CDKL5: variants seen among roughly 807,000 people sequenced by gnomAD.
CDKL5 encodes cyclin dependent kinase like 5.
In CDKL5, 8 loss-of-function variants were observed where a neutral mutation model predicts 61.7. The observed-to-expected ratio is 0.13, with a 90% CI of 0.08 to 0.23. CDKL5 has a LOEUF of 0.23. CDKL5 is among the 10% of genes least tolerant of loss of function. The pLI, the probability that CDKL5 is intolerant of heterozygous loss-of-function variation, is 1.00. For missense variants in CDKL5, 440 were observed against 734.5 expected (o/e 0.60, Z 4.63); for synonymous variants, 275 against 272.3 (o/e 1.01, Z -0.10).
At chrX:18,560,891 CTA>C (rs1924782782) in intron 3 of CDKL5, among the ~76,000 whole-genome samples, 1 of 111,300 alleles carries the variant, frequency 9.0e-6, no homozygotes. Context: ...AAGAAGTGAT[CTA>C]TATTGGAACA....
intron 3 of CDKL5, among the ~76,000 whole-genome samples, chrX:18,518,368 ATGTTT>A (rs1198699941): frequency 1.2e-5 from 1 of 80,894 alleles, no homozygotes; most frequent in Non-Finnish European, 2.4e-5. Context: ...ATATAAAGTC[ATGTTT>A]TCTTTTCTTT....
At position 18,510,730 on chromosome X, in the gene CDKL5, C is replaced by T. The variant is rs1178473686; in HGVS notation, c.65-90C>T. 1.9e-5 allele frequency: 14 copies of T among 727,979 alleles called. No individual in the cohort carries two copies. The South Asian group carries it at 3.1e-4, about 16-fold the overall frequency. 60.0% of individuals were successfully genotyped at this position (727,979 alleles called of 1,213,427 possible). A position where few individuals can be genotyped will look rare whatever the true frequency, so the allele number is the denominator to read the frequency against. On this transcript the variant is annotated intron_variant, in intron 2 of 17. Coordinates refer to ENST00000623535, the MANE Select transcript of CDKL5 (RefSeq NM_001323289.2). Reference sequence around the variant, plus strand: ...TATAGAATCTTGTCACTTTAGTAGTCATTATTATAACACTGAGAAGCAATG... The same window carrying T: ...TATAGAATCTTGTCACTTTAGTAGTTATTATTATAACACTGAGAAGCAATG...
chrX:18,585,750 CAG>C (rs1449513380), intron 8 of CDKL5, among the ~76,000 whole-genome samples: 1 of 111,912 alleles, frequency 8.9e-6, no homozygotes, highest in Non-Finnish European at 1.9e-5. Flanking sequence ...CACCCAAAAA[CAG>C]ATAATTTATA....
intron 14 of CDKL5, among the ~76,000 whole-genome samples, chrX:18,610,002 T>C (rs1280347175): frequency 1.8e-5 from 2 of 111,782 alleles, no homozygotes; most frequent in African/African-American, 6.5e-5. Flanking sequence ...ATAATAATTA[T>C]ATAGAGCAGT....
At chrX:18,527,795 C>T (rs1170579354) in intron 3 of CDKL5, among the ~76,000 whole-genome samples, 2 of 111,415 alleles carry the variant, frequency 1.8e-5, no homozygotes, top group African/African-American at 3.3e-5. Flanking sequence ...TAAGGTAAAG[C>T]GTAGATTATT....
chrX:18,428,420 C>G (rs776342803), intron 1 of CDKL5, among the ~76,000 whole-genome samples: 4 of 112,412 alleles, frequency 3.6e-5, no homozygotes, highest in African/African-American at 1.3e-4. Context: ...TTCACATTCT[C>G]TCCCCTTCCG....
At chrX:18,527,131 G>A (rs1240816474) in intron 3 of CDKL5, among the ~76,000 whole-genome samples, 2 of 111,760 alleles carry the variant, frequency 1.8e-5, no homozygotes, top group Non-Finnish European at 3.8e-5. Flanking sequence ...ATATATTGGC[G>A]GATTTGATTC....
chrX:18,425,890 G>C (rs1183338361), intron 1 of CDKL5, among the ~76,000 whole-genome samples, 195 bp downstream of exon 1: 1 of 112,824 alleles, frequency 8.9e-6, no homozygotes, highest in Non-Finnish European at 1.9e-5. Context: ...CCTCCTCAGC[G>C]CTCCCCTGCG....
chrX:18,554,064 AT>A (rs200137678), intron 3 of CDKL5, among the ~76,000 whole-genome samples: 2,132 of 102,052 alleles, frequency 0.021, 26 homozygotes, highest in South Asian at 0.029. Flanking sequence ...ATATATATAT[AT>A]TTTTTTTTTT....
chrX:18,633,908 C>T lies in CDKL5; in HGVS notation c.*5151C>T. 1 of 753,875 alleles carries T rather than the reference C, an allele frequency of 1.3e-6. No individual in the cohort carries two copies. The highest frequency in any genetic ancestry group is 1.6e-6 in the Non-Finnish European group (1 of 639,201). The allele number at this position is 753,875 out of a possible 1,213,427, so 62.1% of individuals were successfully genotyped here. A position where few individuals can be genotyped will look rare whatever the true frequency, so the allele number is the denominator to read the frequency against. On this transcript the variant is annotated 3_prime_UTR_variant, in exon 18 of 18. Coordinates refer to ENST00000623535, the MANE Select transcript of CDKL5 (RefSeq NM_001323289.2). ...TTAAATATGATCATGACCCGCCTTG[C>T]ATTTTCATTCATCACCTGTTTATGC...
chrX:18,525,170 G>A (rs1437353643), intron 3 of CDKL5, among the ~76,000 whole-genome samples: 19 of 111,649 alleles, frequency 1.7e-4, no homozygotes, highest in Non-Finnish European at 3.8e-5. Context: ...CGCAATCTTG[G>A]CTCACTGCAA....
chrX:18,632,921 G>A lies in CDKL5; in HGVS notation c.*4164G>A. The A allele has an allele frequency of 1.3e-6, 1 of 750,775 alleles. No homozygotes were observed. The highest frequency in any genetic ancestry group is 1.6e-6 in the Non-Finnish European group (1 of 636,016). The allele number at this position is 750,775 out of a possible 1,213,427, so 61.9% of individuals were successfully genotyped here. ...CTTCTAGCCATGTATTATTGAGAAT[G>A]ACTCATAGTACAACTTTTTTTCAAA... On this transcript the variant is annotated 3_prime_UTR_variant, in exon 18 of 18. Transcript: ENST00000623535.
chrX:18,551,223 A>T (rs760851959), intron 3 of CDKL5, among the ~76,000 whole-genome samples: 9 of 111,150 alleles, frequency 8.1e-5, no homozygotes, highest in Non-Finnish European at 1.1e-4. Context: ...TTAGTCCTGG[A>T]ACTATGAGGT....
intron 4 of CDKL5, among the ~76,000 whole-genome samples, chrX:18,564,869 T>A (rs1055584815): frequency 9.0e-6 from 1 of 111,626 alleles, no homozygotes; most frequent in Non-Finnish European, 1.9e-5. Context: ...AAAACTGGCT[T>A]CAAGTAAATA....
chrX:18,547,112 G>A (rs1924226257), intron 3 of CDKL5, among the ~76,000 whole-genome samples: 1 of 111,888 alleles, frequency 8.9e-6, no homozygotes, highest in Admixed American at 9.4e-5. Flanking sequence ...TATTCCCAGT[G>A]CCTGTTACAT....
intron 12 of CDKL5, among the ~76,000 whole-genome samples, chrX:18,608,534 AT>A (rs747216281): frequency 9.0e-6 from 1 of 111,000 alleles, no homozygotes; most frequent in East Asian, 2.8e-4. Flanking sequence ...TAGAATGGTA[AT>A]TTTTTTTGTT....
chrX:18,591,641 C>T (rs1186002094), intron 9 of CDKL5, among the ~76,000 whole-genome samples: 2 of 111,971 alleles, frequency 1.8e-5, no homozygotes, highest in Non-Finnish European at 3.8e-5. Flanking sequence ...TCTCCAGCTT[C>T]ATTTCTGCCT....
Position 18,456,578 on chromosome X carries a change from A to G in CDKL5, c.-163+30883A>G, listed in dbSNP as rs180761776. ...ACATGTATATTGTTGGTACAGTGGG[A>G]ATATATGAGGAGGAGAGATTAATTC... is the stretch of plus-strand genomic sequence containing the variant. On this transcript the variant is annotated intron_variant, in intron 1 of 17. Transcript: ENST00000623535. 5.4e-5 allele frequency among the ~76,000 whole-genome samples: 6 copies of G among 111,897 alleles called. No individual in the cohort carries two copies. In the East Asian group the frequency reaches 1.7e-3, roughly 31 times the overall value.
At chrX:18,554,222 C>A (rs775618342) in intron 3 of CDKL5, among the ~76,000 whole-genome samples, 2 of 107,451 alleles carry the variant, frequency 1.9e-5, no homozygotes, top group South Asian at 8.4e-4. Context: ...CCCTTCCCCC[C>A]ATCCCATGAC....
Sources: allele counts gnomAD v4.1 joint callset (sites outside exome capture counted in the v4.1 genomes callset), GRCh38; gene constraint gnomAD v4.1.1; transcripts MANE v1.5; gene names NCBI Gene and HGNC (gene_info 2026-07-23, HGNC 2026-07-21).